FGF12: variants seen among roughly 807,000 people sequenced by gnomAD.
The protein encoded by FGF12 is fibroblast growth factor 12.
A neutral mutation model predicts 23.6 loss-of-function variants in FGF12; 14 were observed. The ratio of observed to expected loss-of-function variants is 0.59; its 90% CI spans 0.39 to 0.93. The LOEUF (loss-of-function observed/expected upper bound fraction) is 0.93, where lower values mean the gene tolerates loss of function less well. Among genes scored for constraint, FGF12 ranks in the 40% least tolerant of loss-of-function variants. FGF12 has a pLI of 0.00. For missense variants in FGF12, 175 were observed against 217.8 expected, an observed-to-expected ratio of 0.80 and a Z score of 1.24; for synonymous variants, 62 against 77.3, an observed-to-expected ratio of 0.80 and a Z score of 1.04.
At chr3:192,686,235 T>C (rs1039266408) in intron 2 of FGF12, among the ~76,000 whole-genome samples, 1 of 152,158 alleles carries the variant, frequency 6.6e-6, no homozygotes, top group Non-Finnish European at 1.5e-5. Context: ...AGGGGAAACC[T>C]TGACTGGCTT....
At chr3:192,474,670 G>A (rs1192528190) in intron 2 of FGF12, among the ~76,000 whole-genome samples, 1 of 152,146 alleles carries the variant, frequency 6.6e-6, no homozygotes, top group Non-Finnish European at 1.5e-5. Flanking sequence ...TGGATCACCT[G>A]AGGTCAGGAG....
chr3:192,158,364 T>TTC (rs1201817750), intron 5 of FGF12, among the ~76,000 whole-genome samples: 1 of 108,300 alleles, frequency 9.2e-6, no homozygotes, highest in African/African-American at 4.0e-5. Context: ...CTTTCTTTCT[T>TTC]TCTTTCTTTC....
At position 192,242,346 on chromosome 3, in the gene FGF12, A is replaced by G. The variant is rs1299294033; in HGVS notation, c.229-71690T>C. Among the ~76,000 whole-genome samples, 3 of 152,202 alleles carry G rather than the reference A, an allele frequency of 2.0e-5. No homozygotes were observed. The East Asian group carries it at 5.8e-4, about 29-fold the overall frequency. The stretch of plus-strand genomic sequence containing the variant: ...TATGGGATGAGCAGCATCCCTAGCC[A>G]GATGCCAGTAGCCCTCCCCTTCCTA... On this transcript the variant is annotated intron_variant, in intron 4 of 5. Coordinates refer to ENST00000445105, the MANE Select transcript of FGF12 (RefSeq NM_004113.6).
intron 2 of FGF12, among the ~76,000 whole-genome samples, chr3:192,715,914 A>G (rs919103778): frequency 6.6e-6 from 1 of 152,230 alleles, no homozygotes; most frequent in Admixed American, 6.5e-5. Flanking sequence ...GGTTGTGGAT[A>G]ATGCTGGGCT....
intron 5 of FGF12, among the ~76,000 whole-genome samples, chr3:192,154,889 A>T (rs1478714926): frequency 1.5e-5 from 2 of 137,142 alleles, no homozygotes; most frequent in Admixed American, 7.3e-5. Context: ...AAGCCTGGGC[A>T]ATGGCGGGCG....
At chr3:192,600,942 A>G (rs1305198064) in intron 2 of FGF12, among the ~76,000 whole-genome samples, 3 of 152,134 alleles carry the variant, frequency 2.0e-5, no homozygotes, top group Non-Finnish European at 2.9e-5. Flanking sequence ...TAATCCTACT[A>G]CTGAGCATCT....
chr3:192,208,347 T>C (rs191804503), intron 4 of FGF12, among the ~76,000 whole-genome samples: 3 of 152,226 alleles, frequency 2.0e-5, no homozygotes, highest in Admixed American at 1.3e-4. Flanking sequence ...ACAATATGAG[T>C]AGTCAGATTA....
chr3:192,355,755 G>T (rs1220491719), intron 3 of FGF12, among the ~76,000 whole-genome samples: 1 of 152,196 alleles, frequency 6.6e-6, no homozygotes, highest in African/African-American at 2.4e-5. Context: ...TAGAAGGCAA[G>T]AAGAACAGAG....
At chr3:192,489,923 C>T (rs1192325228) in intron 2 of FGF12, among the ~76,000 whole-genome samples, 1 of 151,916 alleles carries the variant, frequency 6.6e-6, no homozygotes, top group Non-Finnish European at 1.5e-5. Context: ...TACAACAAAC[C>T]CCCATGACAC....
intron 2 of FGF12, among the ~76,000 whole-genome samples, chr3:192,678,110 C>A (rs1470646059): frequency 1.3e-5 from 2 of 152,152 alleles, no homozygotes; most frequent in Admixed American, 6.5e-5. Context: ...AAATGACTAA[C>A]CTCTAGTTAC....
intron 4 of FGF12, among the ~76,000 whole-genome samples, chr3:192,288,334 C>T (rs1022161730): frequency 6.6e-6 from 1 of 152,042 alleles, no homozygotes; most frequent in Non-Finnish European, 1.5e-5. Flanking sequence ...ACTATCAAAG[C>T]TGAAGCACAA....
At chr3:192,407,413 C>G (rs1721006255) in intron 2 of FGF12, among the ~76,000 whole-genome samples, 1 of 151,942 alleles carries the variant, frequency 6.6e-6, no homozygotes. Context: ...AAAATGAAGA[C>G]TGTGTAAAGG....
At chr3:192,551,474 C>A (rs1711526712) in intron 2 of FGF12, among the ~76,000 whole-genome samples, 1 of 152,208 alleles carries the variant, frequency 6.6e-6, no homozygotes. Flanking sequence ...ATAGCAGTGA[C>A]AAATCCTTCA....
intron 2 of FGF12, among the ~76,000 whole-genome samples, chr3:192,375,620 T>C (rs966198511): frequency 6.6e-6 from 1 of 152,172 alleles, no homozygotes; most frequent in African/African-American, 2.4e-5. Context: ...TTATGATAGA[T>C]TTACAAACAT....
At chr3:192,238,681 G>C (rs1330007287) in intron 4 of FGF12, 1 of 152,202 alleles carries the variant, frequency 6.6e-6, no homozygotes, top group Non-Finnish European at 1.5e-5. Context: ...AAAGAGCAGA[G>C]CAGGTAATCC....
At chr3:192,648,989 G>T (rs942007589) in intron 2 of FGF12, among the ~76,000 whole-genome samples, 3 of 152,134 alleles carry the variant, frequency 2.0e-5, no homozygotes, top group African/African-American at 7.2e-5. Flanking sequence ...TAGAGTAAAT[G>T]TTATTGAGTA....
chr3:192,377,275 G>A (rs1253808202), intron 2 of FGF12, among the ~76,000 whole-genome samples: 2 of 152,180 alleles, frequency 1.3e-5, no homozygotes, highest in Non-Finnish European at 2.9e-5. Flanking sequence ...CCCACATAAA[G>A]GTTAAGCCTG....
At chr3:192,565,032 C>T (rs78013146) in intron 2 of FGF12, among the ~76,000 whole-genome samples, 2,184 of 152,276 alleles carry the variant, frequency 0.014, 54 homozygotes, top group African/African-American at 0.049. Flanking sequence ...ACATTTTGAA[C>T]AGAGCTTTTT....
intron 4 of FGF12, among the ~76,000 whole-genome samples, chr3:192,327,996 T>C (rs1428429272): frequency 6.6e-6 from 1 of 152,260 alleles, no homozygotes; most frequent in East Asian, 1.9e-4. Flanking sequence ...GTTATATTTT[T>C]ATTTCCCAAG....
Sources: allele counts gnomAD v4.1 joint callset (sites outside exome capture counted in the v4.1 genomes callset), GRCh38; gene constraint gnomAD v4.1.1; transcripts MANE v1.5; gene names NCBI Gene and HGNC (gene_info 2026-07-23, HGNC 2026-07-21).